The following ANKS1B variants were observed in gnomAD, a reference collection of about 807,000 sequenced individuals.
The protein encoded by ANKS1B is ankyrin repeat and sterile alpha motif domain-containing protein 1B.
A neutral mutation model predicts 148.3 loss-of-function variants in ANKS1B; 36 were observed. The observed-to-expected ratio is 0.24, with a 90% CI of 0.19 to 0.32. The LOEUF (loss-of-function observed/expected upper bound fraction) is 0.32. ANKS1B is among the 10% of genes least tolerant of loss of function. The pLI, the probability that ANKS1B is intolerant of heterozygous loss-of-function variation, is 1.00. For missense variants in ANKS1B, 1,157 were observed against 1,542.6 expected (o/e 0.75, Z 4.19); for synonymous variants, 542 against 560.8 (o/e 0.97, Z 0.47).
chr12:99,407,276 A>T lies in ANKS1B; in HGVS notation c.1576-7465T>A, dbSNP rs1399835653. ...ATACCAGCAAAATTAAGGACAAAAA[A>T]CTACATAACTGATTTAATTGATGCT... On this transcript the variant is annotated intron_variant, in intron 11 of 26. Transcript: ENST00000683438. Among the ~76,000 whole-genome samples, 2 of 146,118 alleles carry T rather than the reference A, an allele frequency of 1.4e-5. 1 individual carries two copies. Among genetic ancestry groups the T allele is most frequent in the African/African-American group, 5.2e-5 (2 of 38,596 alleles).
At chr12:99,590,555 G>C (rs558121204) in intron 9 of ANKS1B, among the ~76,000 whole-genome samples, 178 of 152,288 alleles carry the variant, frequency 1.2e-3, no homozygotes, top group African/African-American at 3.9e-3. Flanking sequence ...AGGAGGCCCA[G>C]AGACTAAATG....
At chr12:98,915,865 C>T (rs1344891872) in intron 17 of ANKS1B, among the ~76,000 whole-genome samples, 1 of 152,170 alleles carries the variant, frequency 6.6e-6, no homozygotes, top group Non-Finnish European at 1.5e-5. Flanking sequence ...AGACTCAAAT[C>T]CAGCTTTCCT....
intron 14 of ANKS1B, among the ~76,000 whole-genome samples, chr12:99,183,397 ACTTT>A (rs2079377876): frequency 6.6e-6 from 1 of 152,202 alleles, no homozygotes; most frequent in African/African-American, 2.4e-5. Context: ...TAATCCCAGC[ACTTT>A]GGGAGGCCAA....
chr12:99,676,872 T>C (rs1409137895), intron 8 of ANKS1B, among the ~76,000 whole-genome samples: 1 of 152,130 alleles, frequency 6.6e-6, no homozygotes, highest in Non-Finnish European at 1.5e-5. Context: ...GTTCTATAAA[T>C]GTTAAATTAT....
intron 12 of ANKS1B, among the ~76,000 whole-genome samples, chr12:99,327,261 A>T (rs563951037): frequency 1.2e-4 from 14 of 112,204 alleles, no homozygotes; most frequent in Admixed American, 1.1e-4. Context: ...ATAATTATAT[A>T]AATAATTATA....
intron 15 of ANKS1B, among the ~76,000 whole-genome samples, chr12:99,100,642 G>A (rs533167412): frequency 6.6e-6 from 1 of 152,320 alleles, no homozygotes. Context: ...TGATTCTCCT[G>A]CTTCAGCCTC....
At chr12:99,774,555 T>C (rs1352988613) in intron 7 of ANKS1B, among the ~76,000 whole-genome samples, 1 of 152,054 alleles carries the variant, frequency 6.6e-6, no homozygotes, top group Non-Finnish European at 1.5e-5. Flanking sequence ...TTAAAGGCTC[T>C]ATGGAAAACA....
intron 9 of ANKS1B, among the ~76,000 whole-genome samples, chr12:98,736,960 C>T (rs148371217): frequency 2.6e-5 from 4 of 152,164 alleles, no homozygotes; most frequent in Non-Finnish European, 5.9e-5. Flanking sequence ...ATGGGGACAA[C>T]AGATGATAAG....
chr12:99,608,754 T>C (rs1449535697), intron 9 of ANKS1B, among the ~76,000 whole-genome samples: 1 of 152,096 alleles, frequency 6.6e-6, no homozygotes, highest in Non-Finnish European at 1.5e-5. Context: ...GCACCTTTCC[T>C]GTGTTTTTCA....
intron 1 of ANKS1B, among the ~76,000 whole-genome samples, chr12:99,888,723 G>C (rs1267004623): frequency 6.6e-6 from 1 of 152,070 alleles, no homozygotes; most frequent in African/African-American, 2.4e-5. Context: ...GGCAGTCTGT[G>C]GGCCTCACTA....
intron 11 of ANKS1B, among the ~76,000 whole-genome samples, chr12:99,441,653 C>T (rs1425674478): frequency 6.6e-6 from 1 of 151,900 alleles, no homozygotes; most frequent in African/African-American, 2.4e-5. Flanking sequence ...ACACCATCAT[C>T]CTGAGTTACT....
At chr12:99,840,819 T>G (rs2085613052) in intron 1 of ANKS1B, among the ~76,000 whole-genome samples, 1 of 152,158 alleles carries the variant, frequency 6.6e-6, no homozygotes, top group African/African-American at 2.4e-5. Context: ...ACAAACTGCA[T>G]TGGCTAGAAC....
intron 15 of ANKS1B, among the ~76,000 whole-genome samples, chr12:99,141,356 G>A (rs181353017): frequency 2.2e-4 from 33 of 151,192 alleles, no homozygotes; most frequent in African/African-American, 7.3e-4. Flanking sequence ...AGTTCTCCAG[G>A]AGCCTCTGTG....
intron 9 of ANKS1B, among the ~76,000 whole-genome samples, chr12:99,631,854 C>G (rs1350024373): frequency 6.6e-6 from 1 of 152,132 alleles, no homozygotes; most frequent in Non-Finnish European, 1.5e-5. Flanking sequence ...CTCAGCCTAA[C>G]CACATAAAGA....
chr12:99,684,015 G>A (rs1041861166), intron 8 of ANKS1B, among the ~76,000 whole-genome samples: 2 of 151,974 alleles, frequency 1.3e-5, no homozygotes, highest in Non-Finnish European at 2.9e-5. Flanking sequence ...ACTGAATGGG[G>A]AAAAAGTGAG....
chr12:99,487,068 C>T (rs2096499718), intron 10 of ANKS1B, among the ~76,000 whole-genome samples: 1 of 152,090 alleles, frequency 6.6e-6, no homozygotes. Context: ...GAAGAATTTC[C>T]CTGCTGAACC....
At chr12:98,891,241 T>C (rs1485022091) in intron 17 of ANKS1B, among the ~76,000 whole-genome samples, 1 of 152,228 alleles carries the variant, frequency 6.6e-6, no homozygotes, top group Non-Finnish European at 1.5e-5. Context: ...TATTTCCATA[T>C]GAGAAAACCA....
At chr12:99,376,920 T>G (rs891574210) in intron 12 of ANKS1B, among the ~76,000 whole-genome samples, 7 of 152,060 alleles carry the variant, frequency 4.6e-5, no homozygotes, top group African/African-American at 1.7e-4. Context: ...CATGGATACA[T>G]TGATTGTTTT....
At chr12:99,710,150 A>G (rs2056425795) in intron 8 of ANKS1B, among the ~76,000 whole-genome samples, 3 of 152,318 alleles carry the variant, frequency 2.0e-5, no homozygotes, top group Admixed American at 6.5e-5. Flanking sequence ...AACTTGATCC[A>G]ACAGGAATCT....
Sources: gnomAD v4.1 joint callset for allele counts (sites outside exome capture counted in the v4.1 genomes callset) on GRCh38, gnomAD v4.1.1 for gene constraint, MANE v1.5 for transcripts, NCBI Gene and HGNC (gene_info 2026-07-23, HGNC 2026-07-21) for gene names.